Variants in IQSEC1 observed in about 807,000 individuals in gnomAD.
The protein encoded by IQSEC1 is IQ motif and Sec7 domain ArfGEF 1.
A neutral mutation model predicts 91.0 loss-of-function variants in IQSEC1; 31 were observed. That is an observed-to-expected ratio of 0.34 (90% confidence interval 0.26 to 0.46). IQSEC1 has a LOEUF of 0.46. Ranked by LOEUF, IQSEC1 falls within the 20% of genes least tolerant of loss-of-function variation. The pLI is 1.00. For missense variants in IQSEC1, 1,388 were observed against 1,575.6 expected (o/e 0.88, Z 2.02); for synonymous variants, 699 against 662.6 (o/e 1.05, Z -0.84).
chr3:13,231,476 A>G (rs780381390), intron 1 of IQSEC1, among the ~76,000 whole-genome samples: 12 of 151,092 alleles, frequency 7.9e-5, no homozygotes, highest in Non-Finnish European at 1.5e-4. Context: ...AGAGAGAGGA[A>G]GCTAGCTTTC....
Position 12,900,546 on chromosome 3 carries a change from A to G in IQSEC1, c.*437T>C, listed in dbSNP as rs961596986. The G allele has an allele frequency of 3.0e-6, 3 of 986,218 alleles. No individual in the cohort carries two copies. Among genetic ancestry groups the G allele is most frequent in the Middle Eastern group, 5.2e-4 (1 of 1,926 alleles). 61.1% of individuals were successfully genotyped at this position (986,218 alleles called of 1,614,324 possible). A position where few individuals can be genotyped will look rare whatever the true frequency, so the allele number is the denominator to read the frequency against. ...ATCAGGTCTACTTATTTTTTTGCCC[A>G]TTGTCAATAAAAGAGCAATAATGCA... On this transcript the variant is annotated 3_prime_UTR_variant, in exon 14 of 14. Coordinates refer to ENST00000613206, the MANE Select transcript of IQSEC1 (RefSeq NM_001134382.3).
chr3:13,069,293 C>T (rs549324596), intron 1 of IQSEC1, among the ~76,000 whole-genome samples: 121 of 152,298 alleles, frequency 7.9e-4, no homozygotes, highest in African/African-American at 2.9e-3. Context: ...TGGCATCCAG[C>T]CCAGGCCCAC....
chr3:12,913,335 G>T, intron 9 of IQSEC1, 93 bp downstream of exon 9: 1 of 1,368,276 alleles, frequency 7.3e-7, no homozygotes, highest in Non-Finnish European at 9.9e-7. Flanking sequence ...ACCCCCACAT[G>T]CATGCACATC....
chr3:13,104,647 C>T (rs1196589836), intron 2 of IQSEC1, among the ~76,000 whole-genome samples: 1 of 152,218 alleles, frequency 6.6e-6, no homozygotes, highest in Non-Finnish European at 1.5e-5. Context: ...CTCTCCCCCT[C>T]CGGTGGCCCT....
intron 1 of IQSEC1, among the ~76,000 whole-genome samples, chr3:13,213,882 G>T (rs1694491036): frequency 6.6e-6 from 1 of 152,108 alleles, no homozygotes; most frequent in Admixed American, 6.5e-5. Context: ...AAAACCAGGG[G>T]CCAGGCACCA....
At chr3:13,054,070 C>T (rs931111686) in intron 1 of IQSEC1, among the ~76,000 whole-genome samples, 2 of 152,192 alleles carry the variant, frequency 1.3e-5, no homozygotes, top group Admixed American at 6.5e-5. Context: ...AGCATTCCTC[C>T]CCTCGCCCCA....
At position 12,935,527 on chromosome 3, in the gene IQSEC1, T is replaced by TG. The variant is rs1480217985; in HGVS notation, c.1488dup (p.Asn497GlnfsTer9). ...CTAAAGGCAGGCGAGTCCCAGCTGT[T>TG]GCGGGCCTCCTTGTGGTAGGTCTGC... On this transcript the variant is annotated frameshift_variant, in exon 3 of 14. Transcript: ENST00000613206. LOFTEE classifies it high-confidence loss of function. The surrounding 1 kb of genome is among the most constrained non-coding windows in gnomAD (Gnocchi z 8.0). 1 of 1,614,086 alleles carries TG rather than the reference T, an allele frequency of 6.2e-7. No homozygotes were observed. The highest frequency in any genetic ancestry group is 8.5e-7 in the Non-Finnish European group (1 of 1,179,966).
At position 12,992,461 on chromosome 3, in the gene IQSEC1, TGAG is replaced by T. The variant is rs1702034275; in HGVS notation, c.24-50599_24-50597del. ...AGCCTGGCCATCTTGCCAACTGTAA[TGAG>T]GAGGTGGGCATCATACTGGGGGCAG... is the stretch of plus-strand genomic sequence containing the variant. On this transcript the variant is annotated intron_variant, in intron 1 of 13. Transcript: ENST00000613206. This position sits in a 1 kb window ranked among gnomAD's most constrained non-coding sequence, Gnocchi z 4.1. Among the ~76,000 whole-genome samples, 1 of 152,038 alleles carries T rather than the reference TGAG, an allele frequency of 6.6e-6. No individual in the cohort carries two copies. Among genetic ancestry groups the T allele is most frequent in the African/African-American group, 2.4e-5 (1 of 41,404 alleles).
At chr3:12,965,067 A>G (rs1293043903) in intron 1 of IQSEC1, among the ~76,000 whole-genome samples, 1 of 152,218 alleles carries the variant, frequency 6.6e-6, no homozygotes, top group African/African-American at 2.4e-5. Context: ...AGAGGCCTCC[A>G]TCACAACATT....
At chr3:13,017,581 G>A (rs1703193949) in intron 1 of IQSEC1, among the ~76,000 whole-genome samples, 1 of 152,194 alleles carries the variant, frequency 6.6e-6, no homozygotes. Flanking sequence ...TCTGTGCTGT[G>A]GGACAGTGCT....
chr3:13,051,993 C>A (rs1704707895), intron 1 of IQSEC1, among the ~76,000 whole-genome samples: 1 of 152,192 alleles, frequency 6.6e-6, no homozygotes, highest in African/African-American at 2.4e-5. Flanking sequence ...CCTCCCCTAG[C>A]CTTTTCCAGA....
chr3:13,113,438 A>C (rs1365586933), intron 2 of IQSEC1, among the ~76,000 whole-genome samples: 1 of 152,182 alleles, frequency 6.6e-6, no homozygotes, highest in Non-Finnish European at 1.5e-5. Flanking sequence ...ACGCTTGCCC[A>C]CCCAGGGTGC....
rs370896958 is a variant in IQSEC1, at chr3:13,168,235, A to T, written c.273-4102T>A. Among the ~76,000 whole-genome samples, 80 of 152,344 alleles carry T rather than the reference A, an allele frequency of 5.3e-4. No homozygotes were observed. In the South Asian group the frequency reaches 7.7e-3, roughly 15 times the overall value. Reference sequence around the variant, plus strand: ...TGACTGATCCAAATTCAAGTTCTCAAATCACCACGATTATTTTTCTTATAT... The same window carrying T: ...TGACTGATCCAAATTCAAGTTCTCATATCACCACGATTATTTTTCTTATAT... On this transcript the variant is annotated intron_variant, in intron 1 of 15. Coordinates refer to the IQSEC1 transcript ENST00000648114.
intron 1 of IQSEC1, among the ~76,000 whole-genome samples, chr3:13,228,996 C>T (rs2125086346): frequency 6.6e-6 from 1 of 152,326 alleles, no homozygotes; most frequent in South Asian, 2.1e-4. Context: ...TCTCTTTTCA[C>T]CACTAGAGCC....
rs1299575730 is a variant in IQSEC1 at position 12,956,480 on chromosome 3, C to T, written c.24-14615G>A. Among the ~76,000 whole-genome samples, 5 of 152,290 alleles carry T rather than the reference C, an allele frequency of 3.3e-5. No homozygotes were observed. In the East Asian group the frequency reaches 5.8e-4, roughly 18 times the overall value. Reference sequence around the variant, plus strand: ...CAAGGCTCTAGCAAATTAATACCGTCGCAGTGACCACAATCCACAATCCCA... The same window carrying T: ...CAAGGCTCTAGCAAATTAATACCGTTGCAGTGACCACAATCCACAATCCCA... On this transcript the variant is annotated intron_variant, in intron 1 of 13. Coordinates refer to ENST00000613206, the MANE Select transcript of IQSEC1 (RefSeq NM_001134382.3).
chr3:13,147,679 C>T (rs1196533750), intron 2 of IQSEC1, among the ~76,000 whole-genome samples: 1 of 152,212 alleles, frequency 6.6e-6, no homozygotes, highest in Non-Finnish European at 1.5e-5. Flanking sequence ...ATTGCCCAGG[C>T]TGGAGTGCAG....
At chr3:13,027,599 A>G (rs1486779276) in intron 1 of IQSEC1, among the ~76,000 whole-genome samples, 2 of 152,324 alleles carry the variant, frequency 1.3e-5, no homozygotes, top group Middle Eastern at 3.4e-3. Context: ...TGTCTGATCA[A>G]TAAGATGAGG....
chr3:13,178,276 G>A (rs1296743559), intron 1 of IQSEC1, among the ~76,000 whole-genome samples: 1 of 152,256 alleles, frequency 6.6e-6, no homozygotes, highest in East Asian at 1.9e-4. Flanking sequence ...AGAGCCTGCT[G>A]TGACGGAGCT....
At chr3:13,014,984 C>T (rs567235563) in intron 1 of IQSEC1, among the ~76,000 whole-genome samples, 1 of 152,276 alleles carries the variant, frequency 6.6e-6, no homozygotes, top group South Asian at 2.1e-4. Flanking sequence ...CTCCTCAACA[C>T]AGCCTGGGGA....
Sources: allele counts gnomAD v4.1 joint callset (sites outside exome capture counted in the v4.1 genomes callset), GRCh38; gene constraint gnomAD v4.1.1; non-coding constraint Gnocchi (gnomAD v3.1); transcripts MANE v1.5; gene names NCBI Gene and HGNC (gene_info 2026-07-23, HGNC 2026-07-21).